The following ADCY7 variants were observed in gnomAD, a reference collection of about 807,000 sequenced individuals.
ADCY7 encodes the protein adenylate cyclase type 7.
In ADCY7, 72 loss-of-function variants were observed where a neutral mutation model predicts 120.6. The ratio of observed to expected loss-of-function variants is 0.60; its 90% CI spans 0.49 to 0.73. The LOEUF (loss-of-function observed/expected upper bound fraction) is 0.73, where lower values mean the gene tolerates loss of function less well. Ranked by LOEUF, ADCY7 falls within the 30% of genes least tolerant of loss-of-function variation. The pLI is 0.00. For synonymous variants in ADCY7, 661 were observed against 628.0 expected, an observed-to-expected ratio of 1.05 and a Z score of -0.78; for missense variants, 1,227 against 1,486.0, an observed-to-expected ratio of 0.83 and a Z score of 2.87.
At chr16:50,296,609 A>G (rs564740963) in intron 7 of ADCY7, among the ~76,000 whole-genome samples, 2 of 151,354 alleles carry the variant, frequency 1.3e-5, no homozygotes, top group African/African-American at 4.9e-5. Flanking sequence ...GCCTGCCTCG[A>G]CCTCTCAAAG....
chr16:50,278,868 CTCTCTCTT>C (rs1483965859), intron 1 of ADCY7, among the ~76,000 whole-genome samples: 1 of 108,984 alleles, frequency 9.2e-6, no homozygotes, highest in African/African-American at 4.0e-5. Flanking sequence ...ATCTCTCTCT[CTCTCTCTT>C]TTTTTTTTTT....
At position 50,313,140 on chromosome 16, in the gene ADCY7, G is replaced by A. The variant is rs537555632; in HGVS notation, c.2751+104G>A. 9.5e-5 allele frequency: 141 copies of A among 1,485,674 alleles called. No homozygotes were observed. The South Asian group carries it at 1.8e-3, about 19-fold the overall frequency. 92.0% of individuals were successfully genotyped at this position (1,485,674 alleles called of 1,614,324 possible). ...AAACCCAATTTAAAAATGTGACACA[G>A]AGCTGGGCAAGGTGGTCTATAATCC... On this transcript the variant is annotated intron_variant, in intron 22 of 25. Transcript: ENST00000673801.
chr16:50,260,306 G>A (rs2033026414), intron 1 of ADCY7, among the ~76,000 whole-genome samples: 1 of 152,216 alleles, frequency 6.6e-6, no homozygotes, highest in Non-Finnish European at 1.5e-5. Flanking sequence ...TCACTCCTGA[G>A]CAGGGAGGGT....
At chr16:50,285,802 T>C (rs1414123231) in intron 1 of ADCY7, among the ~76,000 whole-genome samples, 4 of 152,226 alleles carry the variant, frequency 2.6e-5, no homozygotes, top group African/African-American at 9.6e-5. Flanking sequence ...TTGGTAATTT[T>C]CCTACCTTTG....
intron 1 of ADCY7, among the ~76,000 whole-genome samples, chr16:50,268,043 G>T (rs1271026820): frequency 2.6e-5 from 4 of 152,132 alleles, no homozygotes; most frequent in Non-Finnish European, 5.9e-5. Flanking sequence ...AGAAGGGCAG[G>T]TGTGAGCTTT....
chr16:50,302,323 C>T (rs955268089), intron 10 of ADCY7, among the ~76,000 whole-genome samples: 26 of 152,132 alleles, frequency 1.7e-4, no homozygotes, highest in African/African-American at 5.8e-4. Context: ...CCACCCCGTG[C>T]TGAGATGGAT....
chr16:50,257,550 C>T (rs1415903254), intron 1 of ADCY7, among the ~76,000 whole-genome samples: 1 of 151,882 alleles, frequency 6.6e-6, no homozygotes, highest in Non-Finnish European at 1.5e-5. Flanking sequence ...TGTAACGTCA[C>T]CTTGTATCCC....
Position 50,317,955 on chromosome 16 carries a change from T to TATA in ADCY7, c.*2454_*2456dup, listed in dbSNP as rs1392933543. 6.6e-6 allele frequency: 1 copy of TATA among 152,336 alleles called. No homozygotes were observed. Among genetic ancestry groups the TATA allele is most frequent in the African/African-American group, 2.4e-5 (1 of 41,446 alleles). The allele number at this position is 152,336 out of a possible 1,614,324, so 9.4% of individuals were successfully genotyped here. A position where few individuals can be genotyped will look rare whatever the true frequency, so the allele number is the denominator to read the frequency against. ...CATTAACCACTGTATACTTTGTGTATATAATAGGTCAGTGTAAAGAAATAT... is the reference window on the plus strand; with the variant it reads ...CATTAACCACTGTATACTTTGTGTATATAATAATAGGTCAGTGTAAAGAAATAT... On this transcript the variant is annotated 3_prime_UTR_variant, in exon 26 of 26. Transcript: ENST00000673801.
chr16:50,315,996 A>G lies in ADCY7; in HGVS notation c.*491A>G, dbSNP rs2036780931. 6.5e-6 allele frequency: 1 copy of G among 155,022 alleles called. No individual in the cohort carries two copies. Among genetic ancestry groups the G allele is most frequent in the Admixed American group, 6.4e-5 (1 of 15,736 alleles). The allele number at this position is 155,022 out of a possible 1,614,324, so 9.6% of individuals were successfully genotyped here. A position where few individuals can be genotyped will look rare whatever the true frequency, so the allele number is the denominator to read the frequency against. Reference sequence around the variant, plus strand: ...GCATTTCTCACAGAGGCATTCTGGTAAATGAAGCTGAAAGGGGTGTTTTAC... The same window carrying G: ...GCATTTCTCACAGAGGCATTCTGGTGAATGAAGCTGAAAGGGGTGTTTTAC... On this transcript the variant is annotated 3_prime_UTR_variant, in exon 26 of 26. Coordinates refer to ENST00000673801, the MANE Select transcript of ADCY7 (RefSeq NM_001114.5).
At chr16:50,265,695 G>A (rs531532304), upstream of ADCY7, among the ~76,000 whole-genome samples, 12 of 152,344 alleles carry the variant, frequency 7.9e-5, no homozygotes, top group East Asian at 1.9e-3. Context: ...CCTGGATGTG[G>A]GAGGTGGAGG....
chr16:50,312,767 C>T (rs1004761555), intron 21 of ADCY7, 123 bp from the exon 22 acceptor site: 4 of 863,086 alleles, frequency 4.6e-6, no homozygotes, highest in South Asian at 3.2e-5. Context: ...AGCCCGCCCC[C>T]CTCCCCACTC....
At position 50,256,852 on chromosome 16, in the gene ADCY7, T is replaced by C. The variant is rs189886156; in HGVS notation, c.-64+10649T>C. Among the ~76,000 whole-genome samples, 727 of 152,284 alleles carry C rather than the reference T, an allele frequency of 4.8e-3. 5 individuals are homozygous for C. The highest frequency in any genetic ancestry group is 0.017 in the African/African-American group (696 of 41,562). ...ATATCCAAAGGATTTGAAAGCAGCA[T>C]GTCAAAGAGATATCTGCACTCCCAT... On this transcript the variant is annotated intron_variant, in intron 1 of 4. Transcript: ENST00000564044.
At chr16:50,294,821 G>A (rs1053314381) in intron 7 of ADCY7, 70 bp downstream of exon 7, 34 of 1,083,502 alleles carry the variant, frequency 3.1e-5, no homozygotes, top group Middle Eastern at 2.0e-4. Flanking sequence ...GGGGTGTCCT[G>A]TGTTCAGTGC....
intron 1 of ADCY7, among the ~76,000 whole-genome samples, chr16:50,268,813 G>A (rs1440009278): frequency 6.6e-6 from 1 of 152,186 alleles, no homozygotes; most frequent in Non-Finnish European, 1.5e-5. Context: ...AAGGTGGGCG[G>A]ATCACTTGAG....
rs1555525923 is a variant in ADCY7 at position 50,311,808 on chromosome 16, C to CCG, written c.2448+23_2448+24insGC. 1.5e-4 allele frequency: 204 copies of CCG among 1,337,034 alleles called. 2 individuals are homozygous for CCG. Among genetic ancestry groups the CCG allele is most frequent in the Non-Finnish European group, 2.0e-4 (200 of 980,734 alleles). The allele number at this position is 1,337,034 out of a possible 1,614,324, so 82.8% of individuals were successfully genotyped here. A position where few individuals can be genotyped will look rare whatever the true frequency, so the allele number is the denominator to read the frequency against. The stretch of plus-strand genomic sequence containing the variant: ...ACAGGTAAGGAGGCTGGCCCCCCCC[C>CCG]CCCCCCCAAGCTCTGCCCACTTTTC... On this transcript the variant is annotated intron_variant, in intron 20 of 25. Coordinates refer to ENST00000673801, the MANE Select transcript of ADCY7 (RefSeq NM_001114.5).
intron 10 of ADCY7, 121 bp downstream of exon 10, chr16:50,301,335 C>T: frequency 3.0e-6 from 4 of 1,351,402 alleles, no homozygotes; most frequent in Non-Finnish European, 4.0e-6. Context: ...AAGGGCCCTG[C>T]CTGGGCAGGA....
intron 1 of ADCY7, among the ~76,000 whole-genome samples, chr16:50,257,550 C>A (rs1415903254): frequency 6.6e-6 from 1 of 151,882 alleles, no homozygotes; most frequent in Non-Finnish European, 1.5e-5. Context: ...TGTAACGTCA[C>A]CTTGTATCCC....
At position 50,309,783 on chromosome 16, in the gene ADCY7, C is replaced by A. The variant is rs2036331177; in HGVS notation, c.2160+137C>A. 3 of 785,018 alleles carry A rather than the reference C, an allele frequency of 3.8e-6. No individual in the cohort carries two copies. The African/African-American group carries it at 5.3e-5, about 14-fold the overall frequency. The allele number at this position is 785,018 out of a possible 1,614,324, so 48.6% of individuals were successfully genotyped here. A position where few individuals can be genotyped will look rare whatever the true frequency, so the allele number is the denominator to read the frequency against. ...TGGAGGCTGAGAACAGCCTCTCCTG[C>A]AGAGCTGGGAAAGCAGGGTCCCATG... On this transcript the variant is annotated intron_variant, in intron 18 of 25. Coordinates refer to ENST00000673801, the MANE Select transcript of ADCY7 (RefSeq NM_001114.5).
chr16:50,273,796 A>AC (rs1035152825), intron 1 of ADCY7, among the ~76,000 whole-genome samples: 1 of 151,828 alleles, frequency 6.6e-6, no homozygotes, highest in African/African-American at 2.4e-5. Context: ...TGCTGGCTGT[A>AC]CCCCCCAGTC....
Sources: allele counts gnomAD v4.1 joint callset (sites outside exome capture counted in the v4.1 genomes callset), GRCh38; gene constraint gnomAD v4.1.1; transcripts MANE v1.5; gene names NCBI Gene and HGNC (gene_info 2026-07-23, HGNC 2026-07-21).